The following PDE4D variants were observed in gnomAD, a reference collection of about 807,000 sequenced individuals.
The protein encoded by PDE4D is 3',5'-cyclic-AMP phosphodiesterase 4D.
A neutral mutation model predicts 87.4 loss-of-function variants in PDE4D; 24 were observed. That is an observed-to-expected ratio of 0.27 (90% CI 0.20 to 0.39). The LOEUF (loss-of-function observed/expected upper bound fraction) is 0.39, where lower values mean the gene tolerates loss of function less well. Among genes scored for constraint, PDE4D ranks in the 10% least tolerant of loss-of-function variants. PDE4D has a pLI of 1.00. For synonymous variants in PDE4D, 384 were observed against 383.2 expected, an observed-to-expected ratio of 1.00 and a Z score of -0.02; for missense variants, 714 against 1,041.0, an observed-to-expected ratio of 0.69 and a Z score of 4.32.
intron 1 of PDE4D, among the ~76,000 whole-genome samples, chr5:60,326,477 T>C (rs1756806812): frequency 6.6e-6 from 1 of 152,144 alleles, no homozygotes; most frequent in Non-Finnish European, 1.5e-5. Context: ...CCTGTGTTTT[T>C]CCTAAAATAT....
intron 1 of PDE4D, among the ~76,000 whole-genome samples, chr5:59,245,141 C>T (rs980127740): frequency 2.0e-5 from 3 of 152,168 alleles, no homozygotes; most frequent in African/African-American, 4.8e-5. Flanking sequence ...CAGGCCTCAC[C>T]AATGTTCCCA....
At chr5:58,988,321 T>C (rs574769032) in intron 11 of PDE4D, among the ~76,000 whole-genome samples, 172 bp downstream of exon 11, 1 of 152,342 alleles carries the variant, frequency 6.6e-6, no homozygotes, top group East Asian at 1.9e-4. Context: ...CCTCAAGGGA[T>C]ATAATGATAA....
At chr5:60,043,909 T>C (rs1768830654) in intron 2 of PDE4D, among the ~76,000 whole-genome samples, 3 of 152,202 alleles carry the variant, frequency 2.0e-5, no homozygotes, top group Admixed American at 1.3e-4. Context: ...TCTAGTTTTA[T>C]CCTTTAAACA....
chr5:59,503,247 C>T (rs1318796592), intron 1 of PDE4D, among the ~76,000 whole-genome samples: 3 of 152,112 alleles, frequency 2.0e-5, no homozygotes, highest in Non-Finnish European at 4.4e-5. Context: ...ATAACTACTT[C>T]TGTAGAAATA....
intron 3 of PDE4D, among the ~76,000 whole-genome samples, chr5:59,975,230 A>T (rs1246892426): frequency 6.6e-6 from 1 of 152,012 alleles, no homozygotes; most frequent in Non-Finnish European, 1.5e-5. Context: ...GTCCTGGGTG[A>T]CTTTGATGTT....
chr5:60,436,457 A>G (rs1483247187), intron 1 of PDE4D, among the ~76,000 whole-genome samples: 2 of 152,080 alleles, frequency 1.3e-5, no homozygotes, highest in South Asian at 2.1e-4. Flanking sequence ...ACAAAATCCT[A>G]TGCTTTCAAT....
exon 3 of PDE4D, chr5:59,988,559 G>A: frequency 6.3e-7 from 1 of 1,599,442 alleles, no homozygotes; most frequent in Non-Finnish European, 8.5e-7. Flanking sequence ...GTCGTTGAAT[G>A]TTCTCTGATT....
In PDE4D at chr5:59,816,343, C is replaced by T. The variant is rs968758799; in HGVS notation, c.455+76825G>A. 1.2e-4 allele frequency among the ~76,000 whole-genome samples: 18 copies of T among 152,042 alleles called. 1 individual carries two copies. Among genetic ancestry groups the T allele is most frequent in the Non-Finnish European group, 2.9e-5 (2 of 67,984 alleles). On this transcript the variant is annotated intron_variant, in intron 1 of 14. Coordinates refer to ENST00000340635, the MANE Select transcript of PDE4D (RefSeq NM_001104631.2). Reference sequence around the variant, plus strand: ...CTGATAAGCTCCCTCGTTTTTTTCTCATCTGGAAAATGGCGATAAAATGCC... The same window carrying T: ...CTGATAAGCTCCCTCGTTTTTTTCTTATCTGGAAAATGGCGATAAAATGCC...
intron 5 of PDE4D, among the ~76,000 whole-genome samples, chr5:59,084,451 G>A (rs1048765293): frequency 1.3e-5 from 2 of 151,434 alleles, no homozygotes; most frequent in Non-Finnish European, 2.9e-5. Flanking sequence ...AAACATACAG[G>A]CTACATAGGG....
intron 1 of PDE4D, among the ~76,000 whole-genome samples, chr5:59,413,457 C>CAAAAAAAAAAAAAAAAAAAAAAA (rs34074485): frequency 2.6e-3 from 143 of 54,426 alleles, no homozygotes; most frequent in African/African-American, 0.01. Flanking sequence ...GACTCCATCT[C>CAAAAAAAAAAAAAAAAAAAAAAA]AAAAAAAAAA....
chr5:59,518,737 T>A (rs1223096764), intron 1 of PDE4D, among the ~76,000 whole-genome samples: 1 of 152,188 alleles, frequency 6.6e-6, no homozygotes, highest in African/African-American at 2.4e-5. Flanking sequence ...TTCTACATCA[T>A]GATTTTTGTT....
intron 1 of PDE4D, among the ~76,000 whole-genome samples, chr5:60,203,742 C>T (rs761267834): frequency 3.3e-5 from 5 of 152,106 alleles, no homozygotes; most frequent in Non-Finnish European, 5.9e-5. Context: ...TGATGCTTCT[C>T]ATATGAAAGA....
chr5:60,265,294 G>A (rs551449908), intron 1 of PDE4D, among the ~76,000 whole-genome samples: 1 of 152,226 alleles, frequency 6.6e-6, no homozygotes, highest in Non-Finnish European at 1.5e-5. Context: ...GGCTGGTTTT[G>A]AAGTAACAGA....
In PDE4D at chr5:60,432,424, A is replaced by G. The variant is rs189498330; in HGVS notation, c.-90+55518T>C. On this transcript the variant is annotated intron_variant, in intron 1 of 16. Coordinates refer to the PDE4D transcript ENST00000502484. ...TGGTAGCCTTTTTATTACTGATTCA[A>G]TTTTGGAACTTGCTATTGGTCTGAT... Among the ~76,000 whole-genome samples the G allele has an allele frequency of 1.8e-3, 278 of 152,302 alleles. 1 individual carries two copies. Among genetic ancestry groups the G allele is most frequent in the African/African-American group, 6.5e-3 (269 of 41,558 alleles).
intron 2 of PDE4D, among the ~76,000 whole-genome samples, chr5:60,100,939 C>G (rs1222966365): frequency 3.9e-5 from 6 of 152,012 alleles, no homozygotes; most frequent in Non-Finnish European, 8.8e-5. Context: ...ATGGATTTTG[C>G]AAAAGGTAAT....
chr5:59,566,055 T>C (rs1317606779), intron 1 of PDE4D, among the ~76,000 whole-genome samples: 1 of 152,238 alleles, frequency 6.6e-6, no homozygotes, highest in Admixed American at 6.5e-5. Flanking sequence ...GTTAAACTAC[T>C]ATACCACCTC....
At chr5:59,204,338 A>G (rs1581370881) in intron 2 of PDE4D, among the ~76,000 whole-genome samples, 1 of 152,326 alleles carries the variant, frequency 6.6e-6, no homozygotes, top group East Asian at 1.9e-4. Flanking sequence ...CTAGTCTAAA[A>G]TGGAATCTCT....
intron 1 of PDE4D, among the ~76,000 whole-genome samples, chr5:59,551,343 G>A (rs1301228089): frequency 6.7e-6 from 1 of 149,672 alleles, no homozygotes; most frequent in Non-Finnish European, 1.5e-5. Context: ...TATATCCAAT[G>A]TATATTTTTA....
chr5:59,491,320 A>G (rs1447544482), intron 1 of PDE4D, among the ~76,000 whole-genome samples: 3 of 152,236 alleles, frequency 2.0e-5, no homozygotes, highest in African/African-American at 7.2e-5. Flanking sequence ...GATACTGCAA[A>G]GTAGGTAACT....
Sources: allele counts gnomAD v4.1 joint callset (sites outside exome capture counted in the v4.1 genomes callset), GRCh38; gene constraint gnomAD v4.1.1; transcripts MANE v1.5; gene names NCBI Gene and HGNC (gene_info 2026-07-23, HGNC 2026-07-21).